DYNC2H1: variants seen among roughly 807,000 people sequenced by gnomAD.
DYNC2H1 encodes the protein cytoplasmic dynein 2 heavy chain 1.
Under a neutral mutation model 570.0 loss-of-function variants are expected in DYNC2H1, and 410 were observed. The ratio of observed to expected loss-of-function variants is 0.72; its 90% CI spans 0.66 to 0.78. The LOEUF (loss-of-function observed/expected upper bound fraction) is 0.78. DYNC2H1 is among the 30% of genes least tolerant of loss of function. The pLI is 0.00. For synonymous variants in DYNC2H1, 1,688 were observed against 1,677.6 expected, an observed-to-expected ratio of 1.01 and a Z score of -0.15; for missense variants, 4,865 against 5,046.4, an observed-to-expected ratio of 0.96 and a Z score of 1.09.
chr11:103,428,951 C>T (rs771217191), intron 84 of DYNC2H1, among the ~76,000 whole-genome samples: 2 of 152,004 alleles, frequency 1.3e-5, no homozygotes, highest in East Asian at 3.9e-4. Flanking sequence ...AGATAACAAG[C>T]ATTCTATTTT....
intron 82 of DYNC2H1, among the ~76,000 whole-genome samples, chr11:103,327,625 G>C (rs1231252835): frequency 5.3e-5 from 8 of 152,124 alleles, no homozygotes; most frequent in African/African-American, 1.9e-4. Flanking sequence ...GAAGGTAATA[G>C]GGTAAGATAG....
intron 6 of DYNC2H1, among the ~76,000 whole-genome samples, chr11:103,119,407 T>A (rs1858580337): frequency 6.6e-6 from 1 of 152,174 alleles, no homozygotes; most frequent in African/African-American, 2.4e-5. Flanking sequence ...TGAGGTGATC[T>A]TGGCTCACTG....
intron 88 of DYNC2H1, among the ~76,000 whole-genome samples, chr11:103,474,697 T>C (rs1220542011): frequency 6.6e-6 from 1 of 152,192 alleles, no homozygotes; most frequent in South Asian, 2.1e-4. Flanking sequence ...ACAATTATTC[T>C]ATTTTATTAT....
chr11:103,124,650 A>G (rs1051979304), intron 11 of DYNC2H1, among the ~76,000 whole-genome samples: 2 of 152,154 alleles, frequency 1.3e-5, no homozygotes, highest in African/African-American at 2.4e-5. Flanking sequence ...CAAAGGGTAG[A>G]AGAATGAAAC....
chr11:103,392,105 C>A (rs374056846), intron 83 of DYNC2H1, among the ~76,000 whole-genome samples: 1 of 152,242 alleles, frequency 6.6e-6, no homozygotes, highest in East Asian at 1.9e-4. Context: ...GAGGTGGAGT[C>A]TACAGAGGCA....
At chr11:103,418,775 G>A (rs12801903) in intron 84 of DYNC2H1, among the ~76,000 whole-genome samples, 43,902 of 152,028 alleles carry the variant, frequency 0.29, 6,416 homozygotes, top group South Asian at 0.35. Context: ...AGCAGTGAGT[G>A]ATTGTTCGAC....
chr11:103,257,554 G>A, intron 68 of DYNC2H1, 54 bp from the exon 69 acceptor site: 1 of 1,514,636 alleles, frequency 6.6e-7, no homozygotes, highest in Non-Finnish European at 8.9e-7. Context: ...TGGCAGTAAA[G>A]CACTAATTCT....
At position 103,186,244 on chromosome 11, in the gene DYNC2H1, T is replaced by C; in HGVS notation, c.6636T>C (p.Val2212=). 1 of 1,609,100 alleles carries C rather than the reference T, an allele frequency of 6.2e-7. No individual in the cohort carries two copies. Among genetic ancestry groups the C allele is most frequent in the Non-Finnish European group, 8.5e-7 (1 of 1,176,950 alleles). ...MKSRLEFTKE[V]FHWARESPPD... ...TATCACAATTTTTTCCTCTTAAGGT[T>C]TTTCATTGGGCACGAGAATCTCCTC... Residue 2212 remains valine, a splice_region_variant and synonymous_variant, in exon 42 of 89, where the codon GTT becomes GTC. Coordinates refer to ENST00000375735, the MANE Select transcript of DYNC2H1 (RefSeq NM_001377.3). The surrounding 1 kb of genome is among the most constrained non-coding windows in gnomAD (Gnocchi z 4.5).
intron 65 of DYNC2H1, among the ~76,000 whole-genome samples, chr11:103,248,359 A>C (rs1864702848): frequency 6.6e-6 from 1 of 152,058 alleles, no homozygotes; most frequent in African/African-American, 2.4e-5. Flanking sequence ...ACTTGAATTC[A>C]TCTAACTCAG....
chr11:103,352,563 C>T (rs186807517), intron 82 of DYNC2H1, among the ~76,000 whole-genome samples: 1 of 152,150 alleles, frequency 6.6e-6, no homozygotes. Flanking sequence ...CTAACAATTA[C>T]ATTGTTGTCA....
At chr11:103,117,165 G>A (rs569581709) in intron 5 of DYNC2H1, among the ~76,000 whole-genome samples, 3 of 147,650 alleles carry the variant, frequency 2.0e-5, no homozygotes, top group East Asian at 3.9e-4. Context: ...TTTACATAAT[G>A]CAGTATCCAT....
chr11:103,408,860 A>T (rs2135678868), intron 84 of DYNC2H1, among the ~76,000 whole-genome samples: 1 of 152,110 alleles, frequency 6.6e-6, no homozygotes, highest in East Asian at 1.9e-4. Context: ...CCCAGCCAAA[A>T]TTTTTAATGC....
intron 1 of DYNC2H1, among the ~76,000 whole-genome samples, chr11:103,110,255 A>G (rs570504480): frequency 2.0e-5 from 3 of 152,196 alleles, no homozygotes; most frequent in Admixed American, 2.0e-4. Flanking sequence ...TCCTGACCTC[A>G]AGTGATCCGG....
chr11:103,243,783 A>C lies in DYNC2H1; in HGVS notation c.9910A>C (p.Asn3304His), dbSNP rs1156462675. ...HLKDSRLEVI[N>H]QQDSNFITAL... The stretch of plus-strand genomic sequence containing the variant: ...GAAAGACTCACGTTTAGAAGTTATC[A>C]ATCAGCAGGTATGTATTATTTATAA... The change falls in exon 64 of 89, where the codon AAT becomes CAT. Residue 3304 changes from asparagine to histidine, a missense_variant. This residue lies in a region of DYNC2H1 where 2,401 missense variants were observed against 2,454.6 expected (regional missense o/e 0.98). Transcript: ENST00000375735. The surrounding 1 kb of genome is among the most constrained non-coding windows in gnomAD (Gnocchi z 4.8). 6.3e-7 allele frequency: 1 copy of C among 1,586,104 alleles called. No individual in the cohort carries two copies. Among genetic ancestry groups the C allele is most frequent in the African/African-American group, 1.3e-5 (1 of 74,282 alleles).
At chr11:103,175,170 A>C (rs191876624) in intron 36 of DYNC2H1, among the ~76,000 whole-genome samples, 1 of 152,288 alleles carries the variant, frequency 6.6e-6, no homozygotes, top group Non-Finnish European at 1.5e-5. Flanking sequence ...CTGAATAATC[A>C]GTTTCTTCAG....
chr11:103,322,709 TAAGC>T (rs1350164885), intron 81 of DYNC2H1, among the ~76,000 whole-genome samples: 1 of 152,176 alleles, frequency 6.6e-6, no homozygotes, highest in African/African-American at 2.4e-5. Context: ...TATTTTGAAA[TAAGC>T]AAAGTGTATA....
chr11:103,343,954 T>C (rs1207029356), intron 82 of DYNC2H1, among the ~76,000 whole-genome samples: 2 of 152,222 alleles, frequency 1.3e-5, no homozygotes, highest in East Asian at 1.9e-4. Context: ...CTGTGATTTA[T>C]GGAATTAATA....
rs1302189992 is a variant in DYNC2H1 at position 103,334,472 on chromosome 11, T to C, written c.12039+10482T>C. On this transcript the variant is annotated intron_variant, in intron 82 of 88. Coordinates refer to ENST00000375735, the MANE Select transcript of DYNC2H1 (RefSeq NM_001377.3). This position sits in a 1 kb window ranked among gnomAD's most constrained non-coding sequence, Gnocchi z 4.3. ...TCAAATGTAAAATTTGGTTTCATTC[T>C]AACAATTCCATGTAATGAAGTTTTT... 6.6e-6 allele frequency among the ~76,000 whole-genome samples: 1 copy of C among 152,098 alleles called. No individual in the cohort carries two copies. The highest frequency in any genetic ancestry group is 1.5e-5 in the Non-Finnish European group (1 of 67,990).
At chr11:103,191,467 A>T (rs1318643279) in intron 45 of DYNC2H1, 50 bp from the exon 46 acceptor site, 1 of 1,394,988 alleles carries the variant, frequency 7.2e-7, no homozygotes, top group African/African-American at 1.4e-5. Flanking sequence ...TTATAACATG[A>T]TTATTATTTA....
Sources: allele counts gnomAD v4.1 joint callset (sites outside exome capture counted in the v4.1 genomes callset), GRCh38; gene constraint gnomAD v4.1.1; regional missense constraint gnomAD v4.1.1; non-coding constraint Gnocchi (gnomAD v3.1); transcripts MANE v1.5; gene names NCBI Gene and HGNC (gene_info 2026-07-23, HGNC 2026-07-21).